The following PDE4D variants were observed in gnomAD, a reference collection of about 807,000 sequenced individuals.
The protein encoded by PDE4D is phosphodiesterase 4D, also known as 3',5'-cyclic-AMP phosphodiesterase 4D.
Under a neutral mutation model 87.4 loss-of-function variants are expected in PDE4D, and 24 were observed. The observed-to-expected ratio is 0.27, with a 90% CI of 0.20 to 0.39. The LOEUF (loss-of-function observed/expected upper bound fraction) is 0.39. PDE4D is among the 10% of genes least tolerant of loss of function. The pLI, the probability that PDE4D is intolerant of heterozygous loss-of-function variation, is 1.00. For synonymous variants in PDE4D, 384 were observed against 383.2 expected, an observed-to-expected ratio of 1.00 and a Z score of -0.02; for missense variants, 714 against 1,041.0, an observed-to-expected ratio of 0.69 and a Z score of 4.32.
chr5:59,916,544 C>G (rs906403702), intron 3 of PDE4D, among the ~76,000 whole-genome samples: 1 of 152,064 alleles, frequency 6.6e-6, no homozygotes, highest in African/African-American at 2.4e-5. Flanking sequence ...AGGGTAAAAT[C>G]GATGCATTTA....
intron 2 of PDE4D, among the ~76,000 whole-genome samples, chr5:60,174,652 G>A (rs1783761052): frequency 6.6e-6 from 1 of 152,084 alleles, no homozygotes; most frequent in Non-Finnish European, 1.5e-5. Context: ...TTAAATTCCT[G>A]TTTTAACTGT....
intron 1 of PDE4D, among the ~76,000 whole-genome samples, chr5:60,507,918 G>A (rs1032407876): frequency 6.6e-6 from 1 of 152,200 alleles, no homozygotes; most frequent in East Asian, 1.9e-4. Flanking sequence ...GACCTAAGTG[G>A]AATTTCTGGA....
Position 59,871,852 on chromosome 5 carries a change from C to T in PDE4D, c.455+21316G>A, listed in dbSNP as rs1179591599. On this transcript the variant is annotated intron_variant, in intron 1 of 14. Transcript: ENST00000340635. Reference sequence around the variant, plus strand: ...CCAGCTAGAAACCTCGGGGTCATCACTGACTACTTACTGCCCCTCATCCCT... The same window carrying T: ...CCAGCTAGAAACCTCGGGGTCATCATTGACTACTTACTGCCCCTCATCCCT... Among the ~76,000 whole-genome samples, 5 of 152,304 alleles carry T rather than the reference C, an allele frequency of 3.3e-5. No homozygotes were observed. The East Asian group carries it at 9.6e-4, about 29-fold the overall frequency.
intron 5 of PDE4D, among the ~76,000 whole-genome samples, chr5:59,079,002 C>G (rs1280555226): frequency 6.6e-6 from 1 of 152,136 alleles, no homozygotes; most frequent in Non-Finnish European, 1.5e-5. Flanking sequence ...ACAAAAGGAC[C>G]CTTAACAGAT....
chr5:59,716,504 T>TA (rs1755049391), intron 1 of PDE4D, among the ~76,000 whole-genome samples: 1 of 152,160 alleles, frequency 6.6e-6, no homozygotes, highest in Non-Finnish European at 1.5e-5. Context: ...AGTAAACTAG[T>TA]ATAGCCATTG....
At chr5:60,138,944 G>T (rs7736514) in intron 2 of PDE4D, among the ~76,000 whole-genome samples, 107,262 of 151,676 alleles carry the variant, frequency 0.71, 38,657 homozygotes, top group African/African-American at 0.79. Context: ...GTTTTTTGGG[G>T]TTTTTTTGTT....
chr5:59,146,766 G>A (rs1778723612), intron 5 of PDE4D, among the ~76,000 whole-genome samples: 1 of 151,554 alleles, frequency 6.6e-6, no homozygotes, highest in South Asian at 2.1e-4. Context: ...TTTATTTCCT[G>A]AGAAAAAAAA....
rs571291501 is a variant in PDE4D at position 60,072,114 on chromosome 5, TTAAC to T, written c.43-83401_43-83398del. On this transcript the variant is annotated intron_variant, in intron 2 of 16. Transcript: ENST00000502484. The stretch of plus-strand genomic sequence containing the variant: ...TTGCCACACTACTTTCTACAATAGT[TTAAC>T]TAATTTACATTCCCACCAACAGTGT... Among the ~76,000 whole-genome samples, 43 of 152,296 alleles carry T rather than the reference TTAAC, an allele frequency of 2.8e-4. No individual in the cohort carries two copies. The South Asian group carries it at 8.7e-3, about 31-fold the overall frequency.
At chr5:59,538,917 C>T (rs1463594335) in intron 1 of PDE4D, among the ~76,000 whole-genome samples, 1 of 152,148 alleles carries the variant, frequency 6.6e-6, no homozygotes. Flanking sequence ...ATGCTCTTGT[C>T]TCTGCCTGCC....
At chr5:59,647,611 A>T (rs949560789) in intron 1 of PDE4D, among the ~76,000 whole-genome samples, 4 of 152,162 alleles carry the variant, frequency 2.6e-5, no homozygotes, top group African/African-American at 9.6e-5. Flanking sequence ...GCAGGAGATA[A>T]CTGCAGATAA....
In PDE4D at chr5:59,762,375, T is replaced by TATATGGGTACACATATGC; in HGVS notation, c.455+130792_455+130793insGCATATGTGTACCCATAT. Among the ~76,000 whole-genome samples, 3 of 84,650 alleles carry TATATGGGTACACATATGC rather than the reference T, an allele frequency of 3.5e-5. 1 individual carries two copies. The highest frequency in any genetic ancestry group is 2.2e-4 in the Admixed American group (2 of 8,970). The allele number at this position is 84,650 out of a possible 152,430, so 55.5% of individuals were successfully genotyped here. A position where few individuals can be genotyped will look rare whatever the true frequency, so the allele number is the denominator to read the frequency against. Reference sequence around the variant, plus strand: ...ATATATGTGTATATGGGTACACATGTGTATATGTGTATATGGGTACACATG... The same window carrying TATATGGGTACACATATGC: ...ATATATGTGTATATGGGTACACATGTATATGGGTACACATATGCGTATATGTGTATATGGGTACACATG... On this transcript the variant is annotated intron_variant, in intron 1 of 14. Coordinates refer to ENST00000340635, the MANE Select transcript of PDE4D (RefSeq NM_001104631.2).
intron 2 of PDE4D, among the ~76,000 whole-genome samples, chr5:60,090,617 C>G (rs1775021930): frequency 6.6e-6 from 1 of 152,142 alleles, no homozygotes; most frequent in Admixed American, 6.5e-5. Context: ...AAGATCTGAA[C>G]AAGACAATGA....
chr5:59,741,391 T>A (rs1758813167), intron 1 of PDE4D, among the ~76,000 whole-genome samples: 1 of 152,144 alleles, frequency 6.6e-6, no homozygotes, highest in Non-Finnish European at 1.5e-5. Context: ...TAAGCCCAGT[T>A]TTTAAAAATT....
intron 1 of PDE4D, among the ~76,000 whole-genome samples, chr5:59,571,673 A>G (rs1821873508): frequency 6.6e-6 from 1 of 152,216 alleles, no homozygotes; most frequent in South Asian, 2.1e-4. Context: ...TGCCAATATA[A>G]AACAGCCAAC....
chr5:59,428,512 A>T (rs1002481634), intron 1 of PDE4D, among the ~76,000 whole-genome samples: 3 of 152,142 alleles, frequency 2.0e-5, no homozygotes, highest in Admixed American at 2.0e-4. Context: ...AAACATAAAC[A>T]TGCTACTTTA....
intron 2 of PDE4D, among the ~76,000 whole-genome samples, chr5:59,195,713 A>G (rs189535896): frequency 1.5e-4 from 23 of 152,332 alleles, no homozygotes; most frequent in Non-Finnish European, 2.9e-4. Context: ...ACATACATAG[A>G]GTGATGTTTT....
intron 5 of PDE4D, among the ~76,000 whole-genome samples, chr5:59,106,696 T>C (rs138064257): frequency 0.019 from 2,835 of 151,976 alleles, 36 homozygotes; most frequent in Middle Eastern, 0.031. Flanking sequence ...GGAGGCGGAG[T>C]TTGCGGTGAG....
At chr5:59,214,442 G>A (rs79360191) in intron 2 of PDE4D, among the ~76,000 whole-genome samples, 17,140 of 151,930 alleles carry the variant, frequency 0.11, 1,099 homozygotes, top group Middle Eastern at 0.17. Flanking sequence ...CCCTTAGCCC[G>A]GTATTTTCTG....
At chr5:59,831,494 G>A (rs900536445) in intron 1 of PDE4D, among the ~76,000 whole-genome samples, 2 of 152,024 alleles carry the variant, frequency 1.3e-5, no homozygotes, top group South Asian at 4.1e-4. Flanking sequence ...TCCATGCCAG[G>A]AGTTTTACAT....
Sources: gnomAD v4.1 joint callset for allele counts (sites outside exome capture counted in the v4.1 genomes callset) on GRCh38, gnomAD v4.1.1 for gene constraint, MANE v1.5 for transcripts, NCBI Gene and HGNC (gene_info 2026-07-23, HGNC 2026-07-21) for gene names.